The following STPG2 variants were observed in gnomAD, a reference collection of about 807,000 sequenced individuals.
STPG2 encodes sperm tail PG-rich repeat containing 2.
A neutral mutation model predicts 54.2 loss-of-function variants in STPG2; 56 were observed. That is an observed-to-expected ratio of 1.03 (90% CI 0.83 to 1.29). The LOEUF (loss-of-function observed/expected upper bound fraction) is 1.29. Ranked by LOEUF, STPG2 falls within the 50% of genes most tolerant of loss-of-function variation. The probability of loss-of-function intolerance (pLI) is 0.00; values close to 1 mark genes in which losing one functional copy is unlikely to be tolerated. For synonymous variants in STPG2, 200 were observed against 181.8 expected (o/e 1.10, Z -0.81); for missense variants, 596 against 544.9 (o/e 1.09, Z -0.93).
At chr4:98,137,849 T>C (rs1009292178) in intron 1 of STPG2, among the ~76,000 whole-genome samples, 5 of 151,944 alleles carry the variant, frequency 3.3e-5, no homozygotes, top group Non-Finnish European at 5.9e-5. Flanking sequence ...CTGGTACTCA[T>C]AAAATCTTCA....
intron 8 of STPG2, among the ~76,000 whole-genome samples, chr4:97,904,783 C>A (rs1318617828): frequency 1.3e-5 from 2 of 152,142 alleles, no homozygotes; most frequent in Non-Finnish European, 2.9e-5. Flanking sequence ...GAGCTGAAAA[C>A]CAAGGCTTGA....
intron 4 of STPG2, among the ~76,000 whole-genome samples, chr4:97,536,348 C>T (rs1247777915): frequency 6.6e-6 from 1 of 152,068 alleles, no homozygotes; most frequent in South Asian, 2.1e-4. Context: ...GCAGTTTTCC[C>T]TATGCTGTTC....
At chr4:97,679,768 T>C (rs1235562487) in intron 10 of STPG2, among the ~76,000 whole-genome samples, 1 of 152,200 alleles carries the variant, frequency 6.6e-6, no homozygotes, top group Non-Finnish European at 1.5e-5. Context: ...AGGTCTAATG[T>C]TTAAGTCTTT....
At chr4:98,023,366 A>C (rs1003725562) in intron 5 of STPG2, among the ~76,000 whole-genome samples, 2 of 152,134 alleles carry the variant, frequency 1.3e-5, no homozygotes, top group Admixed American at 1.3e-4. Flanking sequence ...GTGAACCGCA[A>C]ATGTTGCTGC....
chr4:97,742,553 G>GTA (rs1299622765), intron 9 of STPG2, among the ~76,000 whole-genome samples: 19 of 134,936 alleles, frequency 1.4e-4, no homozygotes, highest in East Asian at 1.0e-3. Context: ...GTGTGTGTGT[G>GTA]TGTGTGTGTG....
chr4:97,798,298 C>G (rs954894029), intron 9 of STPG2, among the ~76,000 whole-genome samples: 2 of 152,022 alleles, frequency 1.3e-5, no homozygotes, highest in Non-Finnish European at 2.9e-5. Context: ...TAGATCTTTC[C>G]TACTTTCTCA....
chr4:97,916,060 G>A (rs1450769235), intron 8 of STPG2, among the ~76,000 whole-genome samples: 1 of 152,130 alleles, frequency 6.6e-6, no homozygotes, highest in Non-Finnish European at 1.5e-5. Flanking sequence ...ATTTCATAAT[G>A]CATCAAGTAG....
At chr4:97,876,994 T>C (rs545129792) in intron 8 of STPG2, among the ~76,000 whole-genome samples, 1 of 152,278 alleles carries the variant, frequency 6.6e-6, no homozygotes, top group East Asian at 1.9e-4. Flanking sequence ...TGTATATTTA[T>C]GGGGTACAAT....
chr4:97,640,503 A>AT (rs1721730900), intron 10 of STPG2, among the ~76,000 whole-genome samples: 2 of 151,920 alleles, frequency 1.3e-5, no homozygotes, highest in Non-Finnish European at 2.9e-5. Context: ...TTAATAAGGG[A>AT]GATAAATCAT....
Position 97,727,357 on chromosome 4 carries a change from C to T in STPG2, c.1205-14543G>A, listed in dbSNP as rs542869227. ...TTTTTTATGAGTATGATTATCCATACCTAATTTTCCATCATGGGTCTTGTT... is the reference window on the plus strand; with the variant it reads ...TTTTTTATGAGTATGATTATCCATATCTAATTTTCCATCATGGGTCTTGTT... On this transcript the variant is annotated intron_variant, in intron 9 of 10. Coordinates refer to ENST00000295268, the MANE Select transcript of STPG2 (RefSeq NM_174952.3). 1.6e-3 allele frequency among the ~76,000 whole-genome samples: 240 copies of T among 151,804 alleles called. 3 individuals carry two copies. The South Asian group carries it at 0.019, about 12-fold the overall frequency.
At chr4:97,860,213 C>CT (rs1729473470) in intron 8 of STPG2, among the ~76,000 whole-genome samples, 1 of 151,986 alleles carries the variant, frequency 6.6e-6, no homozygotes, top group Non-Finnish European at 1.5e-5. Flanking sequence ...TATGCAGGCT[C>CT]TTTTTTTGTT....
At chr4:97,607,392 A>G (rs1733623564) in intron 10 of STPG2, among the ~76,000 whole-genome samples, 1 of 152,080 alleles carries the variant, frequency 6.6e-6, no homozygotes, top group Non-Finnish European at 1.5e-5. Flanking sequence ...TTACAAGAAC[A>G]TTGTTGAAGA....
chr4:97,740,039 G>T (rs1174418439), intron 9 of STPG2, among the ~76,000 whole-genome samples: 1 of 151,920 alleles, frequency 6.6e-6, no homozygotes, highest in Non-Finnish European at 1.5e-5. Context: ...TTCATCCCTG[G>T]GATGCAAGGC....
chr4:97,933,908 A>G (rs1171953364), intron 8 of STPG2, among the ~76,000 whole-genome samples: 2 of 152,110 alleles, frequency 1.3e-5, no homozygotes, highest in East Asian at 3.9e-4. Context: ...AAGAATGTCA[A>G]TGGTAGTTTG....
In STPG2 at chr4:97,559,227, A is replaced by G. The variant is rs1363284873; in HGVS notation, c.1321-110T>C. On this transcript the variant is annotated intron_variant, in intron 10 of 10. Transcript: ENST00000295268. Reference sequence around the variant, plus strand: ...GAATAACGATTCTTACAAAATTAGAAGTTAAATATATAAAATGATATAATC... The same window carrying G: ...GAATAACGATTCTTACAAAATTAGAGGTTAAATATATAAAATGATATAATC... The G allele has an allele frequency of 1.0e-5, 7 of 702,414 alleles. No homozygotes were observed. In the African/African-American group the frequency reaches 1.3e-4, roughly 13 times the overall value. The allele number at this position is 702,414 out of a possible 1,614,324, so 43.5% of individuals were successfully genotyped here.
chr4:97,568,926 T>C (rs568808612), intron 10 of STPG2, among the ~76,000 whole-genome samples: 3 of 152,020 alleles, frequency 2.0e-5, no homozygotes, highest in African/African-American at 7.2e-5. Context: ...GTTTGTTTTG[T>C]TTTGCAGTTG....
chr4:97,804,380 A>T (rs1214096549), intron 9 of STPG2, among the ~76,000 whole-genome samples: 1 of 152,146 alleles, frequency 6.6e-6, no homozygotes, highest in African/African-American at 2.4e-5. Flanking sequence ...GACCCTGTGT[A>T]GGCCCTGGCT....
chr4:97,887,830 T>C (rs1187614733), intron 8 of STPG2, among the ~76,000 whole-genome samples: 2 of 152,172 alleles, frequency 1.3e-5, no homozygotes, highest in African/African-American at 4.8e-5. Flanking sequence ...ACCAGAAGCC[T>C]AGGAGAACAG....
At chr4:97,980,785 T>C (rs778119893) in intron 6 of STPG2, among the ~76,000 whole-genome samples, 1 of 152,150 alleles carries the variant, frequency 6.6e-6, no homozygotes, top group African/African-American at 2.4e-5. Context: ...GAATACATGA[T>C]TGAAAACCTC....
Sources: gnomAD v4.1 joint callset for allele counts (sites outside exome capture counted in the v4.1 genomes callset) on GRCh38, gnomAD v4.1.1 for gene constraint, MANE v1.5 for transcripts, NCBI Gene and HGNC (gene_info 2026-07-23, HGNC 2026-07-21) for gene names.